CMC2: variants seen among roughly 807,000 people sequenced by gnomAD.
CMC2 encodes COX assembly mitochondrial protein 2 homolog.
CMC2 carries 5 observed loss-of-function variants against 7.5 expected under a neutral mutation model. That is an observed-to-expected ratio of 0.66 (90% confidence interval 0.35 to 1.40). The LOEUF is 1.40. Ranked by LOEUF, CMC2 falls within the 40% of genes most tolerant of loss-of-function variation. The pLI is 0.04. For synonymous variants in CMC2, 37 were observed against 31.4 expected (o/e 1.18, Z -0.60); for missense variants, 115 against 92.3 (o/e 1.25, Z -1.01).
At chr16:80,987,013 G>A (rs935452762) in intron 2 of CMC2, among the ~76,000 whole-genome samples, 7 of 152,222 alleles carry the variant, frequency 4.6e-5, no homozygotes, top group African/African-American at 1.7e-4. Flanking sequence ...GAAGCCTGTG[G>A]AAGAGTGTTT....
intron 3 of CMC2, among the ~76,000 whole-genome samples, chr16:80,978,705 TAAAAAAAAG>T (rs2151615372): frequency 6.8e-6 from 1 of 146,954 alleles, no homozygotes; most frequent in South Asian, 2.2e-4. Context: ...TCCATCTCTC[TAAAAAAAAG>T]AAAAAAAAAA....
intron 3 of CMC2, among the ~76,000 whole-genome samples, 158 bp from the exon 4 acceptor site, chr16:80,976,337 T>C (rs1912344750): frequency 6.6e-6 from 1 of 152,246 alleles, no homozygotes; most frequent in Non-Finnish European, 1.5e-5. Flanking sequence ...ATTCTTATCT[T>C]TTATTTAACC....
intron 2 of CMC2, chr16:80,992,086 TTAA>T (rs1968045249): frequency 1.7e-5 from 6 of 359,476 alleles, no homozygotes; most frequent in Middle Eastern, 7.5e-4. Context: ...ATGTAAGATG[TTAA>T]TAATAAGGGA....
At chr16:80,991,832 T>C in intron 2 of CMC2, 1 of 415,438 alleles carries the variant, frequency 2.4e-6, no homozygotes, top group South Asian at 1.7e-5. Context: ...AGAGGAGCAT[T>C]CTACCAAATA....
At chr16:80,979,586 TA>T (rs1228942736) in intron 3 of CMC2, among the ~76,000 whole-genome samples, 19 of 151,960 alleles carry the variant, frequency 1.3e-4, no homozygotes, top group Admixed American at 6.5e-4. Context: ...TATTTTTCCA[TA>T]AGCTATTTAT....
At chr16:80,992,001 A>T in intron 2 of CMC2, 1 of 452,920 alleles carries the variant, frequency 2.2e-6, no homozygotes, top group Non-Finnish European at 4.4e-6. Flanking sequence ...ACCTGAAGCA[A>T]TCTGAGTAAG....
At chr16:81,003,014 G>A (rs531009343) in intron 1 of CMC2, among the ~76,000 whole-genome samples, 8 of 152,224 alleles carry the variant, frequency 5.3e-5, no homozygotes, top group Admixed American at 1.3e-4. Flanking sequence ...CATATTTTTA[G>A]CTAGATATGT....
intron 3 of CMC2, among the ~76,000 whole-genome samples, chr16:80,979,447 T>C (rs10492891): frequency 0.14 from 21,615 of 151,902 alleles, 1,705 homozygotes; most frequent in Admixed American, 0.19. Context: ...GAAGATCTAA[T>C]TGACAAAGCA....
rs953152541 is a variant in CMC2, at chr16:80,968,690, C to A, written c.*7403G>T. ...AACACTCCTGCTAAAAAGCTATCTA[C>A]AAATACTAGATAGCATATATCAAAT... On this transcript the variant is annotated 3_prime_UTR_variant, in exon 4 of 4. Transcript: ENST00000219400. The A allele has an allele frequency of 4.6e-5, 7 of 152,100 alleles. No homozygotes were observed. Among genetic ancestry groups the A allele is most frequent in the Admixed American group, 1.3e-4 (2 of 15,264 alleles). 9.4% of individuals were successfully genotyped at this position (152,100 alleles called of 1,614,324 possible). A position where few individuals can be genotyped will look rare whatever the true frequency, so the allele number is the denominator to read the frequency against.
intron 1 of CMC2, chr16:80,998,213 G>A (rs1355093463): frequency 6.6e-6 from 1 of 151,386 alleles, no homozygotes; most frequent in African/African-American, 2.4e-5. Context: ...GGACAGGCAT[G>A]AGCTACCGTG....
intron 2 of CMC2, among the ~76,000 whole-genome samples, chr16:80,988,765 TC>T (rs1967741130): frequency 6.6e-6 from 1 of 152,106 alleles, no homozygotes; most frequent in South Asian, 2.1e-4. Context: ...TTTTTCCCGA[TC>T]CAGGATTGCC....
rs1389279070 is a variant in CMC2, at chr16:80,993,830, T to C, written c.81+3484A>G. ...ACAAAAAACCAGTAAACAAGTTTTTTGTAGAAAATGACAAGCTGATTCTAA... is the reference window on the plus strand; with the variant it reads ...ACAAAAAACCAGTAAACAAGTTTTTCGTAGAAAATGACAAGCTGATTCTAA... On this transcript the variant is annotated intron_variant, in intron 2 of 3. Coordinates refer to ENST00000219400, the MANE Select transcript of CMC2 (RefSeq NM_020188.5). Among the ~76,000 whole-genome samples the C allele has an allele frequency of 2.0e-5, 3 of 152,214 alleles. No homozygotes were observed. The East Asian group carries it at 5.8e-4, about 29-fold the overall frequency.
chr16:80,996,023 C>A (rs899754138), intron 2 of CMC2, among the ~76,000 whole-genome samples: 10 of 151,558 alleles, frequency 6.6e-5, no homozygotes, highest in Non-Finnish European at 1.2e-4. Flanking sequence ...AAAACAACAA[C>A]GTTTAAATAG....
At chr16:80,985,459 C>T (rs974552160) in intron 2 of CMC2, among the ~76,000 whole-genome samples, 19 of 151,918 alleles carry the variant, frequency 1.3e-4, no homozygotes, top group African/African-American at 3.9e-4. Context: ...ATAAGATTTT[C>T]GTGAAAAATA....
chr16:80,996,525 T>C (rs1968428187), intron 2 of CMC2, among the ~76,000 whole-genome samples: 1 of 152,216 alleles, frequency 6.6e-6, no homozygotes, highest in African/African-American at 2.4e-5. Flanking sequence ...CAACATTCTT[T>C]GAACCAGTAA....
chr16:80,987,435 G>A (rs1967631181), intron 2 of CMC2, among the ~76,000 whole-genome samples: 1 of 152,116 alleles, frequency 6.6e-6, no homozygotes, highest in Non-Finnish European at 1.5e-5. Flanking sequence ...TATCTAAAAT[G>A]ATATGTATTA....
At chr16:80,977,209 T>C (rs1912497117) in intron 3 of CMC2, among the ~76,000 whole-genome samples, 1 of 152,196 alleles carries the variant, frequency 6.6e-6, no homozygotes, top group African/African-American at 2.4e-5. Context: ...CAGCTACATA[T>C]AAACACAGTT....
intron 3 of CMC2, chr16:80,980,633 T>C (rs1287542288): frequency 6.9e-6 from 3 of 436,458 alleles, no homozygotes; most frequent in South Asian, 4.7e-5. Context: ...CTCATGTCTG[T>C]AGTCCCAGCA....
At chr16:80,979,954 G>C (rs903071210) in intron 3 of CMC2, among the ~76,000 whole-genome samples, 1 of 151,872 alleles carries the variant, frequency 6.6e-6, no homozygotes, top group Non-Finnish European at 1.5e-5. Context: ...GTCTCACTCT[G>C]TCACCCAGAC....
Sources: allele counts gnomAD v4.1 joint callset (sites outside exome capture counted in the v4.1 genomes callset), GRCh38; gene constraint gnomAD v4.1.1; transcripts MANE v1.5; gene names NCBI Gene and HGNC (gene_info 2026-07-23, HGNC 2026-07-21).